PLAGL2: variants seen among roughly 807,000 people sequenced by gnomAD.
The protein encoded by PLAGL2 is zinc finger protein PLAGL2.
PLAGL2 carries 7 observed loss-of-function variants against 29.0 expected under a neutral mutation model. The observed-to-expected ratio is 0.24, with a 90% confidence interval of 0.14 to 0.45. The LOEUF (loss-of-function observed/expected upper bound fraction) is 0.45, where lower values mean the gene tolerates loss of function less well. PLAGL2 is among the 20% of genes least tolerant of loss of function. The pLI, the probability that PLAGL2 is intolerant of heterozygous loss-of-function variation, is 0.99. For missense variants in PLAGL2, 454 were observed against 648.2 expected, an observed-to-expected ratio of 0.70 and a Z score of 3.25; for synonymous variants, 234 against 266.0, an observed-to-expected ratio of 0.88 and a Z score of 1.17.
Position 32,193,863 on chromosome 20 carries a change from G to C in PLAGL2, c.*2589C>G, listed in dbSNP as rs978004051. The C allele has an allele frequency of 6.6e-6, 1 of 152,346 alleles. No homozygotes were observed. The highest frequency in any genetic ancestry group is 1.5e-5 in the Non-Finnish European group (1 of 68,036). The allele number at this position is 152,346 out of a possible 1,614,324, so 9.4% of individuals were successfully genotyped here. On this transcript the variant is annotated 3_prime_UTR_variant, in exon 3 of 3. Transcript: ENST00000246229. ...GTCCAAAAAAAAAAAGGTGAAGGCA[G>C]ATATTATTCCTCTGTACCAGCAAAG... is the stretch of plus-strand genomic sequence containing the variant.
rs1244545170 is a variant in PLAGL2, at chr20:32,197,075, G to A, written c.868C>T (p.Pro290Ser). Residue 290 changes from proline to serine, a missense_variant, in exon 3 of 3, where the codon CCT becomes TCT. Transcript: ENST00000246229. The surrounding 1 kb of genome is among the most constrained non-coding windows in gnomAD (Gnocchi z 6.6). ...TACATGCCCATGGGCAACATGCCAGGGAAGGCCTTGGTCCCCATTACGTCC... is the reference window on the plus strand; with the variant it reads ...TACATGCCCATGGGCAACATGCCAGAGAAGGCCTTGGTCCCCATTACGTCC... Reference protein sequence around the residue: ...SRDVMGTKAFPGMLPMGMYGA... With the variant: ...SRDVMGTKAFSGMLPMGMYGA... The A allele has an allele frequency of 6.2e-7, 1 of 1,614,168 alleles. No homozygotes were observed. The highest frequency in any genetic ancestry group is 8.5e-7 in the Non-Finnish European group (1 of 1,180,018).
chr20:32,200,979 C>G (rs748339956), intron 2 of PLAGL2, among the ~76,000 whole-genome samples: 1 of 152,170 alleles, frequency 6.6e-6, no homozygotes, highest in Non-Finnish European at 1.5e-5. Context: ...AGGGCTTTTA[C>G]GTTTAATTTC....
In PLAGL2 at chr20:32,197,755, A is replaced by T; in HGVS notation, c.261-73T>A. 6 of 1,256,148 alleles carry T rather than the reference A, an allele frequency of 4.8e-6. No individual in the cohort carries two copies. Among genetic ancestry groups the T allele is most frequent in the African/African-American group, 1.5e-5 (1 of 67,454 alleles). The allele number at this position is 1,256,148 out of a possible 1,614,324, so 77.8% of individuals were successfully genotyped here. A position where few individuals can be genotyped will look rare whatever the true frequency, so the allele number is the denominator to read the frequency against. ...TCACAAGGGATGACTGGACAACCAA[A>T]GGTGTCCATTAACAGGAAACTAGAT... On this transcript the variant is annotated intron_variant, in intron 2 of 2. Transcript: ENST00000246229. This position sits in a 1 kb window ranked among gnomAD's most constrained non-coding sequence, Gnocchi z 6.6.
rs1334087550 is a variant in PLAGL2, at chr20:32,193,248, G to A, written c.*3204C>T. 6.6e-6 allele frequency: 1 copy of A among 152,222 alleles called. No individual in the cohort carries two copies. Among genetic ancestry groups the A allele is most frequent in the Non-Finnish European group, 1.5e-5 (1 of 68,072 alleles). The allele number at this position is 152,222 out of a possible 1,614,324, so 9.4% of individuals were successfully genotyped here. On this transcript the variant is annotated 3_prime_UTR_variant, in exon 3 of 3. Coordinates refer to ENST00000246229, the MANE Select transcript of PLAGL2 (RefSeq NM_002657.3). ...GAAAACAGCTACCAAAAAGGGAGGG[G>A]GGAGTTTAAAGGACTACTAGGGAAA... is the stretch of plus-strand genomic sequence containing the variant.
rs2047237925 is a variant in PLAGL2 at position 32,197,712 on chromosome 20, AAGC to A, written c.261-33_261-31del. On this transcript the variant is annotated intron_variant, in intron 2 of 2. Transcript: ENST00000246229. The surrounding 1 kb of genome is among the most constrained non-coding windows in gnomAD (Gnocchi z 6.6). ...GGGTAGAGACAGGGGATAGGGGAGA[AAGC>A]AGAAAGAGGGGAGATCACAAGGGAT... is the stretch of plus-strand genomic sequence containing the variant. 6.3e-7 allele frequency: 1 copy of A among 1,594,154 alleles called. No homozygotes were observed. The highest frequency in any genetic ancestry group is 8.6e-7 in the Non-Finnish European group (1 of 1,166,140).
chr20:32,197,168 G>A lies in PLAGL2; in HGVS notation c.775C>T (p.Leu259=). 6.2e-7 allele frequency: 1 copy of A among 1,614,208 alleles called. No homozygotes were observed. Among genetic ancestry groups the A allele is most frequent in the Non-Finnish European group, 8.5e-7 (1 of 1,180,018 alleles). The change falls in exon 3 of 3, where the codon CTA becomes TTA. Residue 259 remains leucine, a synonymous_variant. Transcript: ENST00000246229. This position sits in a 1 kb window ranked among gnomAD's most constrained non-coding sequence, Gnocchi z 6.6. ...CTGACTGTGGAGCTGCAGCTGAGTA[G>A]GCCTAACATGTCCACGGGCTCTGTC... ...IKTEPVDMLG[L]LSCSSTVSVK... is the part of the protein sequence containing the mutation.
At position 32,204,463 on chromosome 20, in the gene PLAGL2, C is replaced by T. The variant is rs546795575; in HGVS notation, c.-114-2171G>A. ...GCTGGTGGTGGCTAAGGAGCTTGTA[C>T]TGATAGAACCAAAGGAGGAAAGCAG... On this transcript the variant is annotated intron_variant, in intron 1 of 2. Transcript: ENST00000246229. 3.9e-5 allele frequency among the ~76,000 whole-genome samples: 6 copies of T among 152,304 alleles called. No homozygotes were observed. The South Asian group carries it at 1.2e-3, about 32-fold the overall frequency.
chr20:32,197,184 G>A lies in PLAGL2; in HGVS notation c.759C>T (p.Pro253=), dbSNP rs776825891. The A allele has an allele frequency of 7.4e-6, 12 of 1,614,066 alleles. No individual in the cohort carries two copies. The highest frequency in any genetic ancestry group is 4.5e-5 in the East Asian group (2 of 44,894). ...SQELLKIKTE[P]VDMLGLLSCS... Reference sequence around the variant, plus strand: ...AGCTGAGTAGGCCTAACATGTCCACGGGCTCTGTCTTGATCTTGAGCAGCT... The same window carrying A: ...AGCTGAGTAGGCCTAACATGTCCACAGGCTCTGTCTTGATCTTGAGCAGCT... Residue 253 remains proline (P), a synonymous_variant, in exon 3 of 3, where the codon CCC becomes CCT. Transcript: ENST00000246229. This position sits in a 1 kb window ranked among gnomAD's most constrained non-coding sequence, Gnocchi z 6.6.
rs1600372933 is a variant in PLAGL2, at chr20:32,196,446, T to G, written c.*6A>C. ...CCAAAAACTGAGCTGAGGGCCTCTG[T>G]GGGGGCTACTGGAATGCTTGATGGA... is the stretch of plus-strand genomic sequence containing the variant. On this transcript the variant is annotated 3_prime_UTR_variant, in exon 3 of 3. Transcript: ENST00000246229. The G allele has an allele frequency of 3.4e-6, 5 of 1,457,958 alleles. No individual in the cohort carries two copies. Among genetic ancestry groups the G allele is most frequent in the Non-Finnish European group, 4.5e-6 (5 of 1,103,862 alleles). 90.3% of individuals were successfully genotyped at this position (1,457,958 alleles called of 1,614,324 possible).
chr20:32,203,497 G>A (rs2047270074), intron 1 of PLAGL2, among the ~76,000 whole-genome samples: 2 of 152,204 alleles, frequency 1.3e-5, no homozygotes, highest in Admixed American at 1.3e-4. Flanking sequence ...TACCAACCAC[G>A]ATGCAACCTG....
intron 2 of PLAGL2, among the ~76,000 whole-genome samples, chr20:32,199,099 G>T (rs1011749758): frequency 6.6e-6 from 1 of 152,096 alleles, no homozygotes; most frequent in Non-Finnish European, 1.5e-5. Context: ...TTGATCTCCA[G>T]ACAAGGAAAG....
chr20:32,203,407 G>C (rs778030391), intron 1 of PLAGL2, among the ~76,000 whole-genome samples: 6 of 152,190 alleles, frequency 3.9e-5, no homozygotes, highest in Non-Finnish European at 7.3e-5. Flanking sequence ...CTAATCCAGA[G>C]GAAGAGGATG....
chr20:32,200,887 C>T (rs1487934997), intron 2 of PLAGL2, among the ~76,000 whole-genome samples: 1 of 152,228 alleles, frequency 6.6e-6, no homozygotes, highest in Non-Finnish European at 1.5e-5. Context: ...AGCCACCACG[C>T]CTGGCCCAAA....
At position 32,200,266 on chromosome 20, in the gene PLAGL2, C is replaced by G. The variant is rs144199756; in HGVS notation, c.260+1653G>C. 8.5e-4 allele frequency among the ~76,000 whole-genome samples: 130 copies of G among 152,322 alleles called. 4 individuals carry two copies. In the East Asian group the frequency reaches 0.022, roughly 26 times the overall value. On this transcript the variant is annotated intron_variant, in intron 2 of 2. Transcript: ENST00000246229. ...CATTTCTTTTTTTTTGAGACGGAGT[C>G]TCGCTCTGTCGCCCAGGCTGGAGTG...
rs2047210752 is a variant in PLAGL2, at chr20:32,193,320, C to CAAAAAAGTA, written c.*3123_*3131dup. ...TCCAACTTAGGACAATATCTACGAG[C>CAAAAAAGTA]AAAAAAGTAATCACACCTGCTTCCC... is the stretch of plus-strand genomic sequence containing the variant. On this transcript the variant is annotated 3_prime_UTR_variant, in exon 3 of 3. Coordinates refer to ENST00000246229, the MANE Select transcript of PLAGL2 (RefSeq NM_002657.3). 6.6e-6 allele frequency: 1 copy of CAAAAAAGTA among 151,934 alleles called. No individual in the cohort carries two copies. The highest frequency in any genetic ancestry group is 2.4e-5 in the African/African-American group (1 of 41,362). 9.4% of individuals were successfully genotyped at this position (151,934 alleles called of 1,614,324 possible).
chr20:32,200,829 A>G (rs1031094652), intron 2 of PLAGL2, among the ~76,000 whole-genome samples: 2 of 149,690 alleles, frequency 1.3e-5, no homozygotes, highest in African/African-American at 4.9e-5. Flanking sequence ...CCTGGCCTCA[A>G]GTGATCCGCC....
Position 32,193,116 on chromosome 20 carries a change from A to G in PLAGL2, c.*3336T>C, listed in dbSNP as rs1352201796. ...TAAGGCAAAGTTTCTTATTACATAA[A>G]TATCCTTGTTAAAAAGCAAAATATT... On this transcript the variant is annotated 3_prime_UTR_variant, in exon 3 of 3. Transcript: ENST00000246229. 6.6e-6 allele frequency: 1 copy of G among 152,644 alleles called. No individual in the cohort carries two copies. The highest frequency in any genetic ancestry group is 1.9e-4 in the East Asian group (1 of 5,198). The allele number at this position is 152,644 out of a possible 1,614,324, so 9.5% of individuals were successfully genotyped here.
chr20:32,204,325 G>A (rs1323341509), intron 1 of PLAGL2, among the ~76,000 whole-genome samples: 1 of 152,086 alleles, frequency 6.6e-6, no homozygotes, highest in Admixed American at 6.6e-5. Context: ...AGAACATTAC[G>A]TCCCCACCTC....
In PLAGL2 at chr20:32,202,036, G is replaced by A. The variant is rs1264773285; in HGVS notation, c.143C>T (p.Pro48Leu). The stretch of plus-strand genomic sequence containing the variant: ...CCTCAGCTTCTCCCCATTTGAGAAA[G>A]GTGTTCCCGAAATTTCACATTGGCA... Reference protein sequence around the residue: ...VKCQCEISGTPFSNGEKLRPH... With the variant: ...VKCQCEISGTLFSNGEKLRPH... The change falls in exon 2 of 3, where the codon CCT (proline) becomes CTT (leucine). Residue 48 changes from proline (P) to leucine (L), a missense_variant. Coordinates refer to ENST00000246229, the MANE Select transcript of PLAGL2 (RefSeq NM_002657.3). 1 of 1,614,190 alleles carries A rather than the reference G, an allele frequency of 6.2e-7. No individual in the cohort carries two copies. The highest frequency in any genetic ancestry group is 2.2e-5 in the East Asian group (1 of 44,880).
Sources: allele counts gnomAD v4.1 joint callset (sites outside exome capture counted in the v4.1 genomes callset), GRCh38; gene constraint gnomAD v4.1.1; non-coding constraint Gnocchi (gnomAD v3.1); transcripts MANE v1.5; gene names NCBI Gene and HGNC (gene_info 2026-07-23, HGNC 2026-07-21).